Variants in IFNLR1 observed in about 807,000 individuals in gnomAD.
IFNLR1 encodes CRF2-12.
A neutral mutation model predicts 52.5 loss-of-function variants in IFNLR1; 28 were observed. The ratio of observed to expected loss-of-function variants is 0.53; its 90% CI spans 0.40 to 0.73. The LOEUF is 0.73. Ranked by LOEUF, IFNLR1 falls within the 30% of genes least tolerant of loss-of-function variation. The pLI, the probability that IFNLR1 is intolerant of heterozygous loss-of-function variation, is 0.00. For synonymous variants in IFNLR1, 276 were observed against 274.9 expected (o/e 1.00, Z -0.04); for missense variants, 623 against 659.1 (o/e 0.95, Z 0.60).
intron 3 of IFNLR1, among the ~76,000 whole-genome samples, chr1:24,163,195 C>G (rs1644482827): frequency 6.6e-6 from 1 of 151,964 alleles, no homozygotes; most frequent in Admixed American, 6.6e-5. Context: ...CAACTGACTT[C>G]AAGTCTTGGC....
chr1:24,173,317 G>A (rs1240432780), intron 2 of IFNLR1, among the ~76,000 whole-genome samples: 2 of 152,054 alleles, frequency 1.3e-5, no homozygotes, highest in African/African-American at 4.8e-5. Context: ...TATATGAATG[G>A]CCAATAAGCA....
Position 24,157,376 on chromosome 1 carries a change from C to T in IFNLR1, c.1317G>A (p.Glu439=), listed in dbSNP as rs773857237. Residue 439 remains glutamate, a synonymous_variant, in exon 7 of 7, where the codon GAG becomes GAA. Coordinates refer to ENST00000327535, the MANE Select transcript of IFNLR1 (RefSeq NM_170743.4). This position sits in a 1 kb window ranked among gnomAD's most constrained non-coding sequence, Gnocchi z 5.1. ...AGGAGGAGAGGTTATCTTCTGGGAG[C>T]TCTTCCAGGAAACCCGAGTCCTTGG... ...EFSKDSGFLE[E]LPEDNLSSWA... is the part of the protein sequence containing the mutation. 25 of 1,614,024 alleles carry T rather than the reference C, an allele frequency of 1.5e-5. No individual in the cohort carries two copies. The Admixed American group carries it at 4.0e-4, about 26-fold the overall frequency.
At chr1:24,162,927 TTTC>T in intron 3 of IFNLR1, among the ~76,000 whole-genome samples, 1 of 96,230 alleles carries the variant, frequency 1.0e-5, no homozygotes, top group Non-Finnish European at 2.0e-5. Flanking sequence ...TTTTCTTTCT[TTTC>T]TTTCTTTCTC....
chr1:24,185,076 G>A (rs3932666), intron 1 of IFNLR1, among the ~76,000 whole-genome samples: 133,592 of 152,072 alleles, frequency 0.88, 58,829 homozygotes, highest in African/African-American at 0.92. Context: ...ATTGTGTTCT[G>A]TGAGCCAGGT....
At chr1:24,160,275 C>A (rs1028396619) in intron 4 of IFNLR1, among the ~76,000 whole-genome samples, 1 of 152,162 alleles carries the variant, frequency 6.6e-6, no homozygotes, top group African/African-American at 2.4e-5. Context: ...GCACTGGCCA[C>A]GCGTGACTAC....
At chr1:24,184,383 A>C (rs1186364048) in intron 1 of IFNLR1, among the ~76,000 whole-genome samples, 1 of 152,122 alleles carries the variant, frequency 6.6e-6, no homozygotes, top group Non-Finnish European at 1.5e-5. Flanking sequence ...GCATCTGATT[A>C]CACCACTCCC....
chr1:24,157,126 C>G lies in IFNLR1; in HGVS notation c.*4G>C, dbSNP rs1272975749. Reference sequence around the variant, plus strand: ...TCAGATTCGGTGGGATGTCGGGGGACAGCTCACCTGGCCATGTAATGCCCC... The same window carrying G: ...TCAGATTCGGTGGGATGTCGGGGGAGAGCTCACCTGGCCATGTAATGCCCC... On this transcript the variant is annotated 3_prime_UTR_variant, in exon 7 of 7. Coordinates refer to ENST00000327535, the MANE Select transcript of IFNLR1 (RefSeq NM_170743.4). This position sits in a 1 kb window ranked among gnomAD's most constrained non-coding sequence, Gnocchi z 5.1. The G allele has an allele frequency of 6.2e-7, 1 of 1,601,022 alleles. No homozygotes were observed. Among genetic ancestry groups the G allele is most frequent in the African/African-American group, 1.3e-5 (1 of 74,812 alleles).
chr1:24,186,923 A>G (rs1644744917), intron 1 of IFNLR1, among the ~76,000 whole-genome samples: 1 of 152,250 alleles, frequency 6.6e-6, no homozygotes, highest in South Asian at 2.1e-4. Context: ...TGCAGTATCA[A>G]ACTGCCGCTG....
In IFNLR1 at chr1:24,157,958, G is replaced by C. The variant is rs1351197869; in HGVS notation, c.802-67C>G. 7.2e-7 allele frequency: 1 copy of C among 1,394,250 alleles called. No individual in the cohort carries two copies. The highest frequency in any genetic ancestry group is 9.7e-7 in the Non-Finnish European group (1 of 1,034,364). 86.4% of individuals were successfully genotyped at this position (1,394,250 alleles called of 1,614,324 possible). A position where few individuals can be genotyped will look rare whatever the true frequency, so the allele number is the denominator to read the frequency against. Reference sequence around the variant, plus strand: ...TCCTGAAGCATAATTATCATCATCTGAATTCCCCTAGAAACAGACCTCAGA... The same window carrying C: ...TCCTGAAGCATAATTATCATCATCTCAATTCCCCTAGAAACAGACCTCAGA... On this transcript the variant is annotated intron_variant, in intron 6 of 6. Transcript: ENST00000327535. This position sits in a 1 kb window ranked among gnomAD's most constrained non-coding sequence, Gnocchi z 5.1.
At chr1:24,164,552 T>A (rs1644498421) in intron 3 of IFNLR1, among the ~76,000 whole-genome samples, 1 of 152,184 alleles carries the variant, frequency 6.6e-6, no homozygotes, top group South Asian at 2.1e-4. Flanking sequence ...CCTTCTCTAC[T>A]TTTGGCTCCA....
intron 3 of IFNLR1, among the ~76,000 whole-genome samples, chr1:24,162,796 C>T (rs12033525): frequency 1.4e-4 from 11 of 78,870 alleles, no homozygotes; most frequent in Middle Eastern, 5.8e-3. Flanking sequence ...CTTTTTCTTT[C>T]TTTCTTTTTT....
chr1:24,161,661 C>G lies in IFNLR1; in HGVS notation c.391G>C (p.Val131Leu). The change falls in exon 4 of 7, where the codon GTG (valine) becomes CTG (leucine). Residue 131 changes from valine (V) to leucine (L), a missense_variant. By Grantham distance (32) the Val-to-Leu change is conservative. Transcript: ENST00000327535. ...FEVEPAPPVL[V>L]LTQTEEILSA... The stretch of plus-strand genomic sequence containing the variant: ...AGGATCTCCTCCGTCTGGGTGAGCA[C>G]CAGGACAGGTGGGGCCGGCTCCACT... 2 of 1,526,298 alleles carry G rather than the reference C, an allele frequency of 1.3e-6. No homozygotes were observed. The highest frequency in any genetic ancestry group is 1.8e-6 in the Non-Finnish European group (2 of 1,132,610). 94.5% of individuals were successfully genotyped at this position (1,526,298 alleles called of 1,614,324 possible). A position where few individuals can be genotyped will look rare whatever the true frequency, so the allele number is the denominator to read the frequency against.
chr1:24,157,330 G>A lies in IFNLR1; in HGVS notation c.1363C>T (p.Pro455Ser), dbSNP rs867904713. Residue 455 changes from proline to serine, a missense_variant, in exon 7 of 7, where the codon CCA becomes TCA. Coordinates refer to ENST00000327535, the MANE Select transcript of IFNLR1 (RefSeq NM_170743.4). This position sits in a 1 kb window ranked among gnomAD's most constrained non-coding sequence, Gnocchi z 5.1. Reference sequence around the variant, plus strand: ...CCAGGGACCAGATTCGGCTCCGGTGGTAAGGTGCCCCAGGTGGCCCAGGAG... The same window carrying A: ...CCAGGGACCAGATTCGGCTCCGGTGATAAGGTGCCCCAGGTGGCCCAGGAG... ...LSSWATWGTL[P>S]PEPNLVPGGP... 3.1e-6 allele frequency: 5 copies of A among 1,614,216 alleles called. No homozygotes were observed. The highest frequency in any genetic ancestry group is 1.1e-5 in the South Asian group (1 of 91,084).
At position 24,156,407 on chromosome 1, in the gene IFNLR1, C is replaced by T. The variant is rs186200316; in HGVS notation, c.*723G>A. On this transcript the variant is annotated 3_prime_UTR_variant, in exon 7 of 7. Coordinates refer to ENST00000327535, the MANE Select transcript of IFNLR1 (RefSeq NM_170743.4). ...GCTCCGTGCTACACACATCTGAGATCCCCTAGAACCCTCACCACACCCAGG... is the reference window on the plus strand; with the variant it reads ...GCTCCGTGCTACACACATCTGAGATTCCCTAGAACCCTCACCACACCCAGG... 1,193 of 152,512 alleles carry T rather than the reference C, an allele frequency of 7.8e-3. 12 individuals carry two copies. The highest frequency in any genetic ancestry group is 0.012 in the Non-Finnish European group (833 of 68,176). 9.4% of individuals were successfully genotyped at this position (152,512 alleles called of 1,614,324 possible).
In IFNLR1 at chr1:24,157,951, A is replaced by G. The variant is rs946671; in HGVS notation, c.802-60T>C. On this transcript the variant is annotated intron_variant, in intron 6 of 6. Coordinates refer to ENST00000327535, the MANE Select transcript of IFNLR1 (RefSeq NM_170743.4). The surrounding 1 kb of genome is among the most constrained non-coding windows in gnomAD (Gnocchi z 5.1). ...TAGGCTTTCCTGAAGCATAATTATC[A>G]TCATCTGAATTCCCCTAGAAACAGA... 1,439,844 of 1,441,784 alleles carry G rather than the reference A, an allele frequency of 1. 718,956 individuals are homozygous for G. The highest frequency in any genetic ancestry group is 1 in the East Asian group (43,559 of 43,560). 89.3% of individuals were successfully genotyped at this position (1,441,784 alleles called of 1,614,324 possible).
intron 4 of IFNLR1, among the ~76,000 whole-genome samples, chr1:24,161,131 C>A (rs989680520): frequency 6.6e-6 from 1 of 152,324 alleles, no homozygotes; most frequent in East Asian, 1.9e-4. Flanking sequence ...AGCGAACATA[C>A]GGCCCATGAA....
Position 24,154,453 on chromosome 1 carries a change from C to T in IFNLR1, c.*2677G>A, listed in dbSNP as rs1262298032. The T allele has an allele frequency of 6.6e-6, 1 of 152,228 alleles. No homozygotes were observed. The highest frequency in any genetic ancestry group is 2.4e-5 in the African/African-American group (1 of 41,458). 9.4% of individuals were successfully genotyped at this position (152,228 alleles called of 1,614,324 possible). A position where few individuals can be genotyped will look rare whatever the true frequency, so the allele number is the denominator to read the frequency against. ...TGTAAACAGTTAAGTGCTGACCACA[C>T]AAGGCAAATTATTATACTGATTATC... is the stretch of plus-strand genomic sequence containing the variant. On this transcript the variant is annotated 3_prime_UTR_variant, in exon 7 of 7. Coordinates refer to ENST00000327535, the MANE Select transcript of IFNLR1 (RefSeq NM_170743.4).
intron 3 of IFNLR1, among the ~76,000 whole-genome samples, chr1:24,168,198 C>G (rs936726471): frequency 3.3e-5 from 5 of 151,996 alleles, no homozygotes; most frequent in Non-Finnish European, 7.4e-5. Context: ...TCTTCTTACC[C>G]ATCTGTCCTT....
rs775547470 is a variant in IFNLR1, at chr1:24,157,879, G to A, written c.814C>T (p.His272Tyr). Residue 272 changes from histidine to tyrosine, a missense_variant, in exon 7 of 7, where the codon CAC (histidine) becomes TAC (tyrosine). Coordinates refer to ENST00000327535, the MANE Select transcript of IFNLR1 (RefSeq NM_170743.4). This position sits in a 1 kb window ranked among gnomAD's most constrained non-coding sequence, Gnocchi z 5.1. ...TGAAAGGTTGCCACAGGGTGTGTGT[G>A]TCCAGAAAAGTCCTGATTTGGGTAG... is the stretch of plus-strand genomic sequence containing the variant. ...KMPRALDFSG[H>Y]THPVATFQPS... The A allele has an allele frequency of 3.2e-6, 5 of 1,573,400 alleles. No homozygotes were observed. The highest frequency in any genetic ancestry group is 2.3e-5 in the East Asian group (1 of 44,384).
Sources: gnomAD v4.1 joint callset for allele counts (sites outside exome capture counted in the v4.1 genomes callset) on GRCh38, gnomAD v4.1.1 for gene constraint, Gnocchi (gnomAD v3.1) non-coding constraint, MANE v1.5 for transcripts, NCBI Gene and HGNC (gene_info 2026-07-23, HGNC 2026-07-21) for gene names.